The following HECW2 variants were observed in gnomAD, a reference collection of about 807,000 sequenced individuals.
HECW2 encodes E3 ubiquitin-protein ligase HECW2.
HECW2 carries 61 observed loss-of-function variants against 175.2 expected under a neutral mutation model. The observed-to-expected ratio is 0.35, with a 90% CI of 0.28 to 0.43. The LOEUF (loss-of-function observed/expected upper bound fraction) is 0.43, where lower values mean the gene tolerates loss of function less well. Ranked by LOEUF, HECW2 falls within the 20% of genes least tolerant of loss-of-function variation. HECW2 has a pLI of 1.00. For missense variants in HECW2, 1,524 were observed against 2,000.5 expected (o/e 0.76, Z 4.54); for synonymous variants, 671 against 731.0 (o/e 0.92, Z 1.32).
Position 196,529,674 on chromosome 2 carries a change from A to C in HECW2, c.-36+63834T>G, listed in dbSNP as rs1242243540. On this transcript the variant is annotated intron_variant, in intron 1 of 28. Transcript: ENST00000644978. ...CCTTTTTGATGGCTGGAATCCAGAC[A>C]TGGTGATGGCCAGCTACAACCATGC... is the stretch of plus-strand genomic sequence containing the variant. Among the ~76,000 whole-genome samples the C allele has an allele frequency of 2.0e-5, 3 of 152,240 alleles. No homozygotes were observed. In the East Asian group the frequency reaches 5.8e-4, roughly 29 times the overall value.
intron 5 of HECW2, among the ~76,000 whole-genome samples, chr2:196,328,426 A>G (rs1227383616): frequency 3.9e-5 from 6 of 152,182 alleles, no homozygotes; most frequent in Admixed American, 3.3e-4. Flanking sequence ...CAGGGAAGCC[A>G]AGCAAAAAAG....
intron 17 of HECW2, among the ~76,000 whole-genome samples, chr2:196,268,497 C>T (rs995503934): frequency 2.0e-5 from 3 of 152,164 alleles, no homozygotes; most frequent in Admixed American, 6.5e-5. Flanking sequence ...CTTGAAGCTA[C>T]CAACTTGGGC....
chr2:196,395,414 T>C (rs1388091521), intron 2 of HECW2, among the ~76,000 whole-genome samples: 2 of 152,090 alleles, frequency 1.3e-5, no homozygotes. Context: ...ATCGACAGAA[T>C]GGAAAAGCAA....
At chr2:196,389,204 A>G (rs1285908197) in intron 2 of HECW2, among the ~76,000 whole-genome samples, 2 of 152,334 alleles carry the variant, frequency 1.3e-5, no homozygotes, top group East Asian at 3.9e-4. Flanking sequence ...ACTTCACACC[A>G]TTAATTAAAG....
chr2:196,378,001 T>C (rs1694099165), intron 2 of HECW2, among the ~76,000 whole-genome samples: 1 of 152,244 alleles, frequency 6.6e-6, no homozygotes, highest in African/African-American at 2.4e-5. Context: ...CAAGTTCCAC[T>C]GTTAAATCTG....
intron 17 of HECW2, among the ~76,000 whole-genome samples, chr2:196,265,747 T>C (rs1359864112): frequency 3.9e-5 from 6 of 152,192 alleles, no homozygotes; most frequent in Admixed American, 1.3e-4. Flanking sequence ...TTTATACATA[T>C]ATTATTTCAT....
chr2:196,304,515 C>G (rs1279981581), intron 13 of HECW2, among the ~76,000 whole-genome samples: 1 of 152,164 alleles, frequency 6.6e-6, no homozygotes. Context: ...GTCTTATTTA[C>G]CACTCTATTC....
At chr2:196,372,435 C>A (rs75956737) in intron 2 of HECW2, among the ~76,000 whole-genome samples, 16 of 152,150 alleles carry the variant, frequency 1.1e-4, no homozygotes, top group African/African-American at 3.9e-4. Flanking sequence ...TTTGGTGGTC[C>A]CCTACAGTTT....
At chr2:196,272,615 A>T (rs767125162) in intron 16 of HECW2, among the ~76,000 whole-genome samples, 5 of 152,190 alleles carry the variant, frequency 3.3e-5, no homozygotes, top group Non-Finnish European at 7.3e-5. Flanking sequence ...TCTTACCTGC[A>T]TCATATTGCC....
chr2:196,326,310 C>T (rs7561512), intron 5 of HECW2, among the ~76,000 whole-genome samples: 6,440 of 152,274 alleles, frequency 0.042, 488 homozygotes, highest in African/African-American at 0.15. Context: ...CAGGAGGTGG[C>T]TCACCAGTGG....
chr2:196,532,438 C>T lies in HECW2; in HGVS notation c.-36+61070G>A, dbSNP rs10211635. 3.1e-3 allele frequency among the ~76,000 whole-genome samples: 471 copies of T among 151,856 alleles called. 3 individuals carry two copies. The highest frequency in any genetic ancestry group is 0.01 in the African/African-American group (423 of 41,356). On this transcript the variant is annotated intron_variant, in intron 1 of 28. Coordinates refer to ENST00000644978, the MANE Select transcript of HECW2 (RefSeq NM_001348768.2). ...GTGGGAGTTGAACAAGGAGAACATA[C>T]GGACACAGGGAGGGGAACATCACAT...
At chr2:196,434,098 T>G (rs966442484) in intron 1 of HECW2, among the ~76,000 whole-genome samples, 1 of 152,204 alleles carries the variant, frequency 6.6e-6, no homozygotes, top group Non-Finnish European at 1.5e-5. Context: ...ATTTACTTAT[T>G]TATTTGGTTA....
chr2:196,344,556 C>A (rs892660651), intron 2 of HECW2, among the ~76,000 whole-genome samples: 2 of 152,020 alleles, frequency 1.3e-5, no homozygotes, highest in African/African-American at 4.8e-5. Context: ...GCCCCCAGCA[C>A]CCTGAGGACT....
chr2:196,498,152 A>C lies in HECW2; in HGVS notation c.-35-64694T>G, dbSNP rs190652523. Reference sequence around the variant, plus strand: ...ACAGCACCAACTAACCAGTAAGGTAAAAGCATCTTGGACTACAAGAGATAA... The same window carrying C: ...ACAGCACCAACTAACCAGTAAGGTACAAGCATCTTGGACTACAAGAGATAA... On this transcript the variant is annotated intron_variant, in intron 1 of 28. Transcript: ENST00000644978. 4.3e-4 allele frequency among the ~76,000 whole-genome samples: 66 copies of C among 152,260 alleles called. 1 individual carries two copies. The East Asian group carries it at 8.9e-3, about 20-fold the overall frequency.
intron 1 of HECW2, among the ~76,000 whole-genome samples, chr2:196,574,893 C>A (rs1433633209): frequency 2.6e-5 from 4 of 152,028 alleles, no homozygotes; most frequent in Non-Finnish European, 5.9e-5. Flanking sequence ...GTCATCTGAT[C>A]TTTGACAAGA....
intron 1 of HECW2, among the ~76,000 whole-genome samples, chr2:196,453,650 G>A (rs1178109187): frequency 2.0e-5 from 3 of 152,122 alleles, no homozygotes; most frequent in Non-Finnish European, 1.5e-5. Flanking sequence ...CTTATATTTA[G>A]TTACTTTAAC....
chr2:196,305,285 A>C (rs760044819), intron 13 of HECW2, among the ~76,000 whole-genome samples: 7 of 152,164 alleles, frequency 4.6e-5, no homozygotes, highest in Non-Finnish European at 1.0e-4. Flanking sequence ...CTCATAATAT[A>C]TGAGGATAGC....
intron 2 of HECW2, among the ~76,000 whole-genome samples, chr2:196,427,022 C>A (rs1034666520): frequency 1.6e-4 from 25 of 152,244 alleles, no homozygotes; most frequent in Middle Eastern, 3.4e-3. Flanking sequence ...TCCATAGACA[C>A]TGAGAGGTCT....
intron 1 of HECW2, among the ~76,000 whole-genome samples, chr2:196,535,256 T>C (rs146147600): frequency 6.6e-6 from 1 of 152,302 alleles, no homozygotes; most frequent in East Asian, 1.9e-4. Context: ...AGATCAGTAC[T>C]AAACTAGATG....
Sources: allele counts gnomAD v4.1 joint callset (sites outside exome capture counted in the v4.1 genomes callset), GRCh38; gene constraint gnomAD v4.1.1; transcripts MANE v1.5; gene names NCBI Gene and HGNC (gene_info 2026-07-23, HGNC 2026-07-21).